Variants in EVI5 observed in about 807,000 individuals in gnomAD.
EVI5 encodes ecotropic viral integration site 5, also known as ecotropic viral integration site 5 protein homolog.
In EVI5, 73 loss-of-function variants were observed where a neutral mutation model predicts 112.0. That is an observed-to-expected ratio of 0.65 (90% CI 0.54 to 0.79). The LOEUF (loss-of-function observed/expected upper bound fraction) is 0.79. Ranked by LOEUF, EVI5 falls within the 30% of genes least tolerant of loss-of-function variation. The probability of loss-of-function intolerance (pLI) is 0.00; values close to 1 mark genes in which losing one functional copy is unlikely to be tolerated. For missense variants in EVI5, 900 were observed against 968.8 expected (o/e 0.93, Z 0.94); for synonymous variants, 305 against 319.9 (o/e 0.95, Z 0.50).
intron 14 of EVI5, among the ~76,000 whole-genome samples, chr1:92,633,124 G>A (rs1657583889): frequency 6.6e-6 from 1 of 152,216 alleles, no homozygotes; most frequent in African/African-American, 2.4e-5. Flanking sequence ...TAGGTGTTGT[G>A]TGCTGCTGAA....
chr1:92,734,679 A>G (rs965574615), intron 2 of EVI5, among the ~76,000 whole-genome samples: 1 of 126,862 alleles, frequency 7.9e-6, no homozygotes, highest in Non-Finnish European at 1.7e-5. Flanking sequence ...AGATAAATAA[A>G]ATAAGATAAA....
rs1299467307 is a variant in EVI5 at position 92,561,612 on chromosome 1, T to C, written c.2166+2030A>G. ...CTATCTATCTATCTAATCTATCCTA[T>C]CTATCTATCTATCTATCTATCTATC... On this transcript the variant is annotated intron_variant, in intron 19 of 19. Transcript: ENST00000684568. Among the ~76,000 whole-genome samples the C allele has an allele frequency of 2.5e-4, 6 of 24,442 alleles. No individual in the cohort carries two copies. The East Asian group carries it at 2.6e-3, about 11-fold the overall frequency. The allele number at this position is 24,442 out of a possible 152,430, so 16.0% of individuals were successfully genotyped here.
chr1:92,597,533 T>G (rs1648187370), intron 18 of EVI5, among the ~76,000 whole-genome samples: 1 of 152,182 alleles, frequency 6.6e-6, no homozygotes, highest in South Asian at 2.1e-4. Context: ...GAGGCTGAAT[T>G]CATTTTCTCC....
chr1:92,575,545 A>C (rs556594536), intron 18 of EVI5, among the ~76,000 whole-genome samples: 34 of 144,510 alleles, frequency 2.4e-4, no homozygotes, highest in Middle Eastern at 3.6e-3. Context: ...TTTAATCTAC[A>C]AGAGTCCCTG....
intron 2 of EVI5, among the ~76,000 whole-genome samples, chr1:92,723,339 G>A (rs7518331): frequency 2.0e-5 from 3 of 152,050 alleles, no homozygotes; most frequent in Admixed American, 6.6e-5. Context: ...ATGCTGTTGC[G>A]GGAAGTCAGG....
chr1:92,598,394 T>C (rs935420154), intron 18 of EVI5, among the ~76,000 whole-genome samples: 1 of 151,866 alleles, frequency 6.6e-6, no homozygotes, highest in Non-Finnish European at 1.5e-5. Context: ...CATCTAAAAT[T>C]TAAAAAGAAA....
chr1:92,561,655 ATCTATCT>A (rs1557790768), intron 19 of EVI5, among the ~76,000 whole-genome samples: 13 of 143,080 alleles, frequency 9.1e-5, no homozygotes, highest in African/African-American at 1.6e-4. Context: ...CTATCTATCT[ATCTATCT>A]ATCAGAGTCT....
At chr1:92,593,539 T>G (rs1249679309) in intron 18 of EVI5, among the ~76,000 whole-genome samples, 1 of 152,204 alleles carries the variant, frequency 6.6e-6, no homozygotes, top group East Asian at 1.9e-4. Flanking sequence ...TCACCACTCC[T>G]ATTCAACATA....
intron 1 of EVI5, among the ~76,000 whole-genome samples, chr1:92,757,671 G>A (rs1262915783): frequency 6.6e-6 from 1 of 151,674 alleles, no homozygotes; most frequent in Non-Finnish European, 1.5e-5. Context: ...GGAGGCCAAA[G>A]TGGGTGGATC....
chr1:92,622,916 A>T (rs914956207), intron 16 of EVI5, among the ~76,000 whole-genome samples: 1 of 152,248 alleles, frequency 6.6e-6, no homozygotes, highest in Non-Finnish European at 1.5e-5. Context: ...TTTCTGAATT[A>T]TATTAAATAT....
chr1:92,529,820 T>C lies in EVI5; in HGVS notation c.2167-15850A>G, dbSNP rs77208260. Among the ~76,000 whole-genome samples the C allele has an allele frequency of 5.8e-3, 879 of 152,328 alleles. 8 individuals carry two copies. The highest frequency in any genetic ancestry group is 0.02 in the African/African-American group (829 of 41,588). On this transcript the variant is annotated intron_variant, in intron 19 of 19. Coordinates refer to ENST00000684568, the MANE Select transcript of EVI5 (RefSeq NM_001350197.2). ...AAACTATTAGCATTTTTATAAGCCA[T>C]TTTAAAATAATGTTTATAGTATTTA...
intron 19 of EVI5, among the ~76,000 whole-genome samples, chr1:92,518,568 T>G (rs1557698492): frequency 6.6e-6 from 1 of 151,896 alleles, no homozygotes; most frequent in African/African-American, 2.4e-5. Context: ...TCTTGAAGTT[T>G]GAGCAGAGTC....
chr1:92,522,631 C>CCAAAA (rs574259658), intron 19 of EVI5, among the ~76,000 whole-genome samples: 6 of 70,510 alleles, frequency 8.5e-5, no homozygotes, highest in African/African-American at 3.2e-4. Flanking sequence ...ACTCCATCTC[C>CCAAAA]AAAAAAAAAA....
chr1:92,550,791 T>A (rs1406376560), intron 19 of EVI5, among the ~76,000 whole-genome samples: 25 of 80,472 alleles, frequency 3.1e-4, no homozygotes, highest in African/African-American at 4.0e-4. Flanking sequence ...AATATATATA[T>A]ATATATATAT....
chr1:92,695,318 TAA>T lies in EVI5; in HGVS notation c.899_900del (p.Phe300TyrfsTer3). ...TCTGCCCATTAGCTTACCTCAGACATAAAGATATCAAATATCCTTGTTGCAAT... is the reference window on the plus strand; with the variant it reads ...TCTGCCCATTAGCTTACCTCAGACATAGATATCAAATATCCTTGTTGCAAT... ...LPIATRIFDI[F>X]MSEGLEIVFR... On this transcript the variant is annotated frameshift_variant, in exon 7 of 20. Transcript: ENST00000684568. LOFTEE classifies it high-confidence loss of function. 1 of 1,610,328 alleles carries T rather than the reference TAA, an allele frequency of 6.2e-7. No homozygotes were observed. Among genetic ancestry groups the T allele is most frequent in the Non-Finnish European group, 8.5e-7 (1 of 1,178,094 alleles).
At chr1:92,657,530 G>A (rs1663214633) in intron 13 of EVI5, among the ~76,000 whole-genome samples, 2 of 152,058 alleles carry the variant, frequency 1.3e-5, no homozygotes, top group South Asian at 4.2e-4. Context: ...AGGTATGGTG[G>A]TGTGTGCTTG....
intron 19 of EVI5, among the ~76,000 whole-genome samples, chr1:92,523,611 T>C (rs1417142928): frequency 1.3e-5 from 2 of 152,174 alleles, no homozygotes; most frequent in Non-Finnish European, 2.9e-5. Context: ...TAGGTATTCA[T>C]TAGATTTGCT....
At chr1:92,580,366 G>C (rs1671750488) in intron 18 of EVI5, 2 of 152,004 alleles carry the variant, frequency 1.3e-5, no homozygotes, top group Admixed American at 6.6e-5. Flanking sequence ...ATTAACACTA[G>C]GCATTCTAAA....
chr1:92,697,864 A>G lies in EVI5; in HGVS notation c.761T>C (p.Ile254Thr). The G allele has an allele frequency of 6.2e-7, 1 of 1,612,424 alleles. No homozygotes were observed. The highest frequency in any genetic ancestry group is 8.5e-7 in the Non-Finnish European group (1 of 1,178,914). Residue 254 changes from isoleucine to threonine, a missense_variant, in exon 6 of 20, where the codon ATA (isoleucine) becomes ACA (threonine). Coordinates refer to ENST00000684568, the MANE Select transcript of EVI5 (RefSeq NM_001350197.2). ...TTATCAACACTGCACTTTTACCTGT[A>G]TCATACATTCAAACTGGTACATACA... Reference protein sequence around the residue: ...GLCMYQFECMIQEHLPELFVH... With the variant: ...GLCMYQFECMTQEHLPELFVH...
Sources: gnomAD v4.1 joint callset for allele counts (sites outside exome capture counted in the v4.1 genomes callset) on GRCh38, gnomAD v4.1.1 for gene constraint, MANE v1.5 for transcripts, NCBI Gene and HGNC (gene_info 2026-07-23, HGNC 2026-07-21) for gene names.